REV3L: variants seen among roughly 807,000 people sequenced by gnomAD.
REV3L encodes the protein REV3 like, DNA directed polymerase zeta catalytic subunit.
In REV3L, 69 loss-of-function variants were observed where a neutral mutation model predicts 299.4. The observed-to-expected ratio is 0.23, with a 90% confidence interval of 0.19 to 0.28. The LOEUF is 0.28. REV3L is among the 10% of genes least tolerant of loss of function. REV3L has a pLI of 1.00. For missense variants in REV3L, 3,128 were observed against 3,693.8 expected, an observed-to-expected ratio of 0.85 and a Z score of 3.97; for synonymous variants, 1,238 against 1,271.4, an observed-to-expected ratio of 0.97 and a Z score of 0.56.
At chr6:111,409,301 T>C (rs939737775) in intron 3 of REV3L, among the ~76,000 whole-genome samples, 7 of 151,528 alleles carry the variant, frequency 4.6e-5, no homozygotes, top group African/African-American at 1.7e-4. Context: ...TAACCAAGGG[T>C]CAAAATTCAA....
chr6:111,483,532 G>C, upstream of REV3L: 1 of 511,114 alleles, frequency 2.0e-6, no homozygotes, highest in Non-Finnish European at 3.7e-6. Context: ...CGGGAGGGGG[G>C]CGCCAGTGTT....
chr6:111,482,154 C>T (rs1297867726), intron 1 of REV3L, among the ~76,000 whole-genome samples: 1 of 152,198 alleles, frequency 6.6e-6, no homozygotes, highest in East Asian at 1.9e-4. Context: ...ACGACCTGCA[C>T]TCACAGCAGA....
At chr6:111,423,643 T>C (rs1785833594) in intron 1 of REV3L, among the ~76,000 whole-genome samples, 1 of 152,104 alleles carries the variant, frequency 6.6e-6, no homozygotes, top group Non-Finnish European at 1.5e-5. Flanking sequence ...TGTGGACACA[T>C]TGTGGGGACA....
intron 2 of REV3L, among the ~76,000 whole-genome samples, chr6:111,414,970 A>T (rs1019395640): frequency 6.6e-6 from 1 of 152,098 alleles, no homozygotes; most frequent in African/African-American, 2.4e-5. Flanking sequence ...TACCCAGATT[A>T]ATGTCCTAAT....
At chr6:111,458,734 A>G (rs1221045818) in intron 1 of REV3L, among the ~76,000 whole-genome samples, 1 of 152,172 alleles carries the variant, frequency 6.6e-6, no homozygotes, top group Non-Finnish European at 1.5e-5. Flanking sequence ...GAAAGTAGTG[A>G]AAGATCTCTA....
intron 1 of REV3L, among the ~76,000 whole-genome samples, chr6:111,433,430 A>T (rs1787183690): frequency 6.6e-6 from 1 of 152,166 alleles, no homozygotes; most frequent in Non-Finnish European, 1.5e-5. Flanking sequence ...GACTGTTATG[A>T]AGAACTATAC....
chr6:111,360,270 A>G (rs1209597758), intron 16 of REV3L, among the ~76,000 whole-genome samples: 2 of 152,132 alleles, frequency 1.3e-5, no homozygotes, highest in African/African-American at 4.8e-5. Context: ...ACTTCTATAC[A>G]TGAAAAAATG....
chr6:111,422,819 T>C (rs1327610148), intron 1 of REV3L, among the ~76,000 whole-genome samples: 1 of 150,982 alleles, frequency 6.6e-6, no homozygotes, highest in Non-Finnish European at 1.5e-5. Context: ...AACAGTTTCC[T>C]TTCATTTTCT....
intron 5 of REV3L, 106 bp from the exon 6 acceptor site, chr6:111,390,286 C>A (rs1010595783): frequency 1.5e-6 from 1 of 671,524 alleles, no homozygotes; most frequent in Non-Finnish European, 2.6e-6. Context: ...CCCAGAAAAC[C>A]TGATATATTA....
At chr6:111,320,053 G>A (rs552030855) in intron 26 of REV3L, among the ~76,000 whole-genome samples, 1 of 149,818 alleles carries the variant, frequency 6.7e-6, no homozygotes, top group Non-Finnish European at 1.5e-5. Context: ...AGGGATTACA[G>A]GTGTGAGCCA....
At chr6:111,326,610 C>T (rs1774846537) in intron 25 of REV3L, among the ~76,000 whole-genome samples, 2 of 148,516 alleles carry the variant, frequency 1.3e-5, no homozygotes, top group Middle Eastern at 3.4e-3. Flanking sequence ...TATATACCCC[C>T]CCCAAAAAAA....
chr6:111,471,937 G>T, intron 1 of REV3L: 1 of 853,448 alleles, frequency 1.2e-6, no homozygotes, highest in Non-Finnish European at 1.5e-6. Flanking sequence ...GGGTGAGTAG[G>T]ATTTACCAAC....
intron 19 of REV3L, among the ~76,000 whole-genome samples, chr6:111,351,371 G>A (rs1015191654): frequency 3.3e-5 from 5 of 151,992 alleles, no homozygotes; most frequent in Non-Finnish European, 5.9e-5. Flanking sequence ...GACACTAGAT[G>A]AAGGAAGCAT....
chr6:111,314,789 C>CAT (rs959341896), intron 27 of REV3L, among the ~76,000 whole-genome samples: 58 of 150,922 alleles, frequency 3.8e-4, no homozygotes, highest in Admixed American at 3.2e-3. Context: ...CATTTCCTTA[C>CAT]ATATATACAT....
At chr6:111,351,879 A>G in intron 18 of REV3L, 88 bp from the exon 19 acceptor site, 2 of 844,286 alleles carry the variant, frequency 2.4e-6, no homozygotes, top group Non-Finnish European at 3.7e-6. Flanking sequence ...ATAAGGTATG[A>G]AAACAAAAAC....
At chr6:111,472,817 A>C (rs1023869663) in intron 1 of REV3L, among the ~76,000 whole-genome samples, 1 of 152,164 alleles carries the variant, frequency 6.6e-6, no homozygotes, top group Admixed American at 6.5e-5. Context: ...ACACACACAC[A>C]CCAAACAAAA....
intron 31 of REV3L, among the ~76,000 whole-genome samples, chr6:111,302,324 A>T (rs1163942568): frequency 6.6e-6 from 1 of 152,234 alleles, no homozygotes; most frequent in Non-Finnish European, 1.5e-5. Context: ...TTGCAGTTAC[A>T]TTCAGGTGCC....
chr6:111,456,320 C>T (rs908184364), intron 1 of REV3L, among the ~76,000 whole-genome samples: 1 of 152,164 alleles, frequency 6.6e-6, no homozygotes, highest in Non-Finnish European at 1.5e-5. Flanking sequence ...CCTCTGTTCT[C>T]AAGTATGTGC....
At chr6:111,315,583 A>T in intron 26 of REV3L, 1 of 552,620 alleles carries the variant, frequency 1.8e-6, no homozygotes, top group Non-Finnish European at 3.2e-6. Context: ...CAAATCTTTT[A>T]AGACATCCAA....
Sources: gnomAD v4.1 joint callset for allele counts (sites outside exome capture counted in the v4.1 genomes callset) on GRCh38, gnomAD v4.1.1 for gene constraint, MANE v1.5 for transcripts, NCBI Gene and HGNC (gene_info 2026-07-23, HGNC 2026-07-21) for gene names.